The following SLC24A3 variants were observed in gnomAD, a reference collection of about 807,000 sequenced individuals.
SLC24A3 encodes the protein sodium/potassium/calcium exchanger 3.
Under a neutral mutation model 75.8 loss-of-function variants are expected in SLC24A3, and 28 were observed. The observed-to-expected ratio is 0.37, with a 90% CI of 0.27 to 0.51. SLC24A3 has a LOEUF of 0.51. Among genes scored for constraint, SLC24A3 ranks in the 20% least tolerant of loss-of-function variants. The pLI is 0.94. For missense variants in SLC24A3, 663 were observed against 847.8 expected (o/e 0.78, Z 2.71); for synonymous variants, 372 against 334.1 (o/e 1.11, Z -1.24).
intron 16 of SLC24A3, among the ~76,000 whole-genome samples, chr20:19,718,465 T>C (rs1451432056): frequency 2.0e-5 from 3 of 152,254 alleles, no homozygotes; most frequent in African/African-American, 7.2e-5. Context: ...TCTTCCCATT[T>C]GGAGCTCATC....
chr20:19,298,232 G>A (rs1600417426), intron 2 of SLC24A3, among the ~76,000 whole-genome samples: 1 of 152,220 alleles, frequency 6.6e-6, no homozygotes, highest in East Asian at 1.9e-4. Flanking sequence ...ATGAACACGG[G>A]AGTTGCATGT....
intron 3 of SLC24A3, among the ~76,000 whole-genome samples, chr20:19,534,197 T>C (rs76214502): frequency 0.14 from 20,981 of 152,314 alleles, 1,594 homozygotes; most frequent in Middle Eastern, 0.18. Flanking sequence ...TACTGCCGTG[T>C]GGTTTGTCTA....
chr20:19,279,516 TTC>T (rs1462940575), intron 1 of SLC24A3, among the ~76,000 whole-genome samples: 3 of 152,310 alleles, frequency 2.0e-5, no homozygotes, highest in Admixed American at 6.5e-5. Context: ...CTTCCTGAAA[TTC>T]TCTTTCTGCT....
At position 19,500,809 on chromosome 20, in the gene SLC24A3, G is replaced by A. The variant is rs115236427; in HGVS notation, c.272-14679G>A. Among the ~76,000 whole-genome samples, 245 of 152,236 alleles carry A rather than the reference G, an allele frequency of 1.6e-3. 1 individual carries two copies. The highest frequency in any genetic ancestry group is 4.7e-3 in the African/African-American group (197 of 41,538). On this transcript the variant is annotated intron_variant, in intron 2 of 16. Coordinates refer to ENST00000328041, the MANE Select transcript of SLC24A3 (RefSeq NM_020689.4). ...TCAAGTACATGGTAAACCACTCCTC[G>A]TCTGGGAAGGCTGGAGAGGAGGTAT...
intron 13 of SLC24A3, among the ~76,000 whole-genome samples, chr20:19,695,943 C>A (rs1477292795): frequency 6.6e-6 from 1 of 151,214 alleles, no homozygotes. Context: ...ACAAGGACAG[C>A]AAATTGCTAC....
intron 2 of SLC24A3, among the ~76,000 whole-genome samples, chr20:19,409,320 G>A (rs1215733434): frequency 6.6e-6 from 1 of 152,176 alleles, no homozygotes; most frequent in Non-Finnish European, 1.5e-5. Flanking sequence ...TGCAGGGATA[G>A]TGGGTTCAGG....
intron 1 of SLC24A3, among the ~76,000 whole-genome samples, chr20:19,265,433 C>T (rs896258070): frequency 1.3e-5 from 2 of 152,190 alleles, no homozygotes; most frequent in African/African-American, 4.8e-5. Context: ...CAGTGCACTA[C>T]GATGGACACA....
chr20:19,548,610 A>G (rs777809471), intron 3 of SLC24A3, among the ~76,000 whole-genome samples: 4 of 152,212 alleles, frequency 2.6e-5, no homozygotes, highest in Non-Finnish European at 5.9e-5. Flanking sequence ...GGTGTCAGCC[A>G]TCAAAGGAGA....
At chr20:19,287,328 C>T (rs937149103) in intron 2 of SLC24A3, among the ~76,000 whole-genome samples, 1 of 152,124 alleles carries the variant, frequency 6.6e-6, no homozygotes, top group South Asian at 2.1e-4. Flanking sequence ...AGATGCTCAC[C>T]GATGCTCACA....
intron 6 of SLC24A3, among the ~76,000 whole-genome samples, chr20:19,637,440 G>A (rs1282630664): frequency 1.3e-5 from 2 of 152,216 alleles, no homozygotes; most frequent in African/African-American, 4.8e-5. Context: ...TTTTTTTAAA[G>A]ATGATGTTTC....
At chr20:19,689,994 G>T (rs6112522) in intron 12 of SLC24A3, among the ~76,000 whole-genome samples, 29,951 of 127,720 alleles carry the variant, frequency 0.23, 3,366 homozygotes, top group Middle Eastern at 0.31. Context: ...TTGCACCACT[G>T]CACTCCAGCC....
intron 3 of SLC24A3, among the ~76,000 whole-genome samples, chr20:19,556,472 C>T (rs1049826800): frequency 1.1e-4 from 17 of 150,754 alleles, no homozygotes; most frequent in South Asian, 4.2e-4. Context: ...TCATTTAATA[C>T]GTGTGGGTTT....
intron 2 of SLC24A3, among the ~76,000 whole-genome samples, chr20:19,314,458 G>A (rs1415596693): frequency 6.6e-6 from 1 of 151,954 alleles, no homozygotes; most frequent in Admixed American, 6.6e-5. Context: ...GGGGCTACAG[G>A]CATGCACCAC....
chr20:19,515,067 T>C (rs778248601), intron 2 of SLC24A3, among the ~76,000 whole-genome samples: 3 of 152,192 alleles, frequency 2.0e-5, no homozygotes, highest in Non-Finnish European at 4.4e-5. Context: ...TGCAGCAAAG[T>C]ACATAAGGTT....
chr20:19,325,795 T>TATATATATATAGAG lies in SLC24A3; in HGVS notation c.271+44709_271+44710insTATATATATAGAGA, dbSNP rs1251419875. 1.5e-4 allele frequency among the ~76,000 whole-genome samples: 10 copies of TATATATATATAGAG among 67,796 alleles called. No homozygotes were observed. In the East Asian group the frequency reaches 1.9e-3, roughly 13 times the overall value. 44.5% of individuals were successfully genotyped at this position (67,796 alleles called of 152,430 possible). A position where few individuals can be genotyped will look rare whatever the true frequency, so the allele number is the denominator to read the frequency against. ...ATATATACATATATATATATATATA[T>TATATATATATAGAG]AGAGAGAGAGAGAGAGAGAGAGAGA... On this transcript the variant is annotated intron_variant, in intron 2 of 16. Transcript: ENST00000328041.
At chr20:19,255,163 A>G (rs552305892) in intron 1 of SLC24A3, among the ~76,000 whole-genome samples, 2 of 152,286 alleles carry the variant, frequency 1.3e-5, no homozygotes, top group East Asian at 1.9e-4. Context: ...TTTGTACCTC[A>G]TCTCCAGGGC....
At chr20:19,359,193 C>T (rs1985742826) in intron 2 of SLC24A3, among the ~76,000 whole-genome samples, 1 of 152,112 alleles carries the variant, frequency 6.6e-6, no homozygotes, top group Admixed American at 6.5e-5. Flanking sequence ...GAGGGACTGC[C>T]AAACTGTTTT....
intron 6 of SLC24A3, among the ~76,000 whole-genome samples, chr20:19,588,761 A>G (rs1207937987): frequency 6.6e-6 from 1 of 152,246 alleles, no homozygotes; most frequent in Non-Finnish European, 1.5e-5. Context: ...ACTTCATGCC[A>G]GTTTTGTAAA....
Position 19,696,743 on chromosome 20 carries a change from G to T in SLC24A3, c.1492-54G>T, listed in dbSNP as rs182463439. 1.6e-5 allele frequency: 19 copies of T among 1,217,792 alleles called. No homozygotes were observed. In the Admixed American group the frequency reaches 2.0e-4, roughly 13 times the overall value. 75.4% of individuals were successfully genotyped at this position (1,217,792 alleles called of 1,614,324 possible). A position where few individuals can be genotyped will look rare whatever the true frequency, so the allele number is the denominator to read the frequency against. On this transcript the variant is annotated intron_variant, in intron 13 of 16. Transcript: ENST00000328041. ...TGAGTCTCCATCAGAAGAATCATGGGCAGGTGGGGCTTGAGGTGACCCTCA... is the reference window on the plus strand; with the variant it reads ...TGAGTCTCCATCAGAAGAATCATGGTCAGGTGGGGCTTGAGGTGACCCTCA...
Sources: allele counts gnomAD v4.1 joint callset (sites outside exome capture counted in the v4.1 genomes callset), GRCh38; gene constraint gnomAD v4.1.1; transcripts MANE v1.5; gene names NCBI Gene and HGNC (gene_info 2026-07-23, HGNC 2026-07-21).